Variants in AGBL4 observed in about 807,000 individuals in gnomAD.
AGBL4 encodes AGBL carboxypeptidase 4.
AGBL4 carries 58 observed loss-of-function variants against 66.4 expected under a neutral mutation model. The observed-to-expected ratio is 0.87, with a 90% CI of 0.71 to 1.09. AGBL4 has a LOEUF of 1.09. Among genes scored for constraint, AGBL4 ranks in the 50% least tolerant of loss-of-function variants. AGBL4 has a pLI of 0.00. For synonymous variants in AGBL4, 234 were observed against 222.9 expected (o/e 1.05, Z -0.44); for missense variants, 579 against 631.0 (o/e 0.92, Z 0.88).
At chr1:50,020,274 A>T (rs1165834542) in intron 1 of AGBL4, among the ~76,000 whole-genome samples, 6 of 152,126 alleles carry the variant, frequency 3.9e-5, no homozygotes, top group Non-Finnish European at 7.4e-5. Context: ...AATTTCTTTT[A>T]TATGTAAAGT....
chr1:49,460,444 C>CT (rs1244858427), intron 3 of AGBL4, among the ~76,000 whole-genome samples: 1 of 151,580 alleles, frequency 6.6e-6, no homozygotes, highest in Non-Finnish European at 1.5e-5. Flanking sequence ...CATGGAATAT[C>CT]TTTTTCCAGC....
At chr1:49,401,851 T>C (rs1645092876) in intron 3 of AGBL4, among the ~76,000 whole-genome samples, 1 of 152,156 alleles carries the variant, frequency 6.6e-6, no homozygotes, top group Non-Finnish European at 1.5e-5. Flanking sequence ...TGGCTTTGAT[T>C]TCATTACTTA....
intron 3 of AGBL4, chr1:49,527,356 A>T (rs1002376382): frequency 1.3e-5 from 2 of 152,296 alleles, no homozygotes; most frequent in African/African-American, 4.8e-5. Flanking sequence ...CCCTATCCGT[A>T]TCAGAAATTG....
chr1:49,425,061 A>T (rs943576869), intron 3 of AGBL4, among the ~76,000 whole-genome samples: 1 of 152,186 alleles, frequency 6.6e-6, no homozygotes, highest in Non-Finnish European at 1.5e-5. Flanking sequence ...AAGAACCTGA[A>T]ATGACCCAGG....
intron 4 of AGBL4, among the ~76,000 whole-genome samples, chr1:49,140,177 C>T (rs1646091085): frequency 1.3e-5 from 2 of 152,166 alleles, no homozygotes; most frequent in Non-Finnish European, 1.5e-5. Context: ...TGTTAGGCCT[C>T]ACTAGCAATT....
chr1:49,327,240 C>A (rs1645245053), intron 3 of AGBL4, among the ~76,000 whole-genome samples: 1 of 152,158 alleles, frequency 6.6e-6, no homozygotes, highest in Non-Finnish European at 1.5e-5. Flanking sequence ...GGGAGTAGGA[C>A]ATGGACATTT....
chr1:49,011,868 C>G (rs1429495627), intron 5 of AGBL4, among the ~76,000 whole-genome samples: 10 of 87,808 alleles, frequency 1.1e-4, no homozygotes, highest in African/African-American at 4.5e-4. Context: ...ACATCACACT[C>G]TGGGGACTGT....
intron 1 of AGBL4, among the ~76,000 whole-genome samples, chr1:50,007,691 C>A (rs556115041): frequency 2.6e-5 from 4 of 152,100 alleles, no homozygotes; most frequent in Non-Finnish European, 5.9e-5. Flanking sequence ...TGCTTGAACC[C>A]AGGATGTCAA....
chr1:48,693,262 A>T (rs1487534515), intron 6 of AGBL4, among the ~76,000 whole-genome samples: 1 of 152,138 alleles, frequency 6.6e-6, no homozygotes, highest in East Asian at 1.9e-4. Context: ...AAGGGAGTGT[A>T]TCTGAAGACT....
intron 4 of AGBL4, among the ~76,000 whole-genome samples, chr1:49,175,735 G>T (rs140638200): frequency 6.6e-6 from 1 of 152,102 alleles, no homozygotes; most frequent in African/African-American, 2.4e-5. Flanking sequence ...GGTCTACAGG[G>T]TATATTATAA....
At chr1:49,516,070 C>A (rs1649789718) in intron 3 of AGBL4, among the ~76,000 whole-genome samples, 1 of 151,160 alleles carries the variant, frequency 6.6e-6, no homozygotes, top group African/African-American at 2.4e-5. Context: ...GACTGCCCCC[C>A]CCCACAAAAA....
chr1:48,731,661 C>T (rs777192365), intron 6 of AGBL4, among the ~76,000 whole-genome samples: 7 of 152,072 alleles, frequency 4.6e-5, no homozygotes, highest in Non-Finnish European at 8.8e-5. Context: ...TCCAGGCATC[C>T]GGAAAAGTAT....
At chr1:49,385,263 C>T (rs1278726420) in intron 3 of AGBL4, among the ~76,000 whole-genome samples, 5 of 152,034 alleles carry the variant, frequency 3.3e-5, no homozygotes, top group South Asian at 2.1e-4. Context: ...TATAGTATAC[C>T]TACAAATGGT....
intron 2 of AGBL4, among the ~76,000 whole-genome samples, chr1:49,740,679 A>G (rs183608925): frequency 8.8e-4 from 134 of 152,306 alleles, no homozygotes; most frequent in African/African-American, 3.1e-3. Context: ...ATGTAAAATA[A>G]CAGAAATTAT....
chr1:48,809,305 G>A (rs559438772), intron 6 of AGBL4, among the ~76,000 whole-genome samples: 22 of 152,230 alleles, frequency 1.4e-4, no homozygotes, highest in Non-Finnish European at 1.8e-4. Flanking sequence ...TTTATAGATC[G>A]GAAAAAGGTG....
At chr1:49,675,911 T>C (rs1646569792) in intron 3 of AGBL4, among the ~76,000 whole-genome samples, 1 of 152,110 alleles carries the variant, frequency 6.6e-6, no homozygotes, top group Non-Finnish European at 1.5e-5. Context: ...TGCAAATTAG[T>C]GACAGAGGTA....
intron 3 of AGBL4, among the ~76,000 whole-genome samples, chr1:49,468,656 T>G (rs939852363): frequency 5.3e-5 from 8 of 151,870 alleles, no homozygotes; most frequent in African/African-American, 1.9e-4. Flanking sequence ...AATTTCAGCA[T>G]TATTTTTTTA....
At chr1:49,215,736 C>G (rs1406747836) in intron 4 of AGBL4, among the ~76,000 whole-genome samples, 1 of 152,154 alleles carries the variant, frequency 6.6e-6, no homozygotes, top group Middle Eastern at 3.4e-3. Context: ...ACCTCGACCG[C>G]GTTTGCTCAA....
chr1:48,977,286 T>C (rs2148960230), intron 5 of AGBL4, among the ~76,000 whole-genome samples: 1 of 152,280 alleles, frequency 6.6e-6, no homozygotes, highest in East Asian at 1.9e-4. Flanking sequence ...AATTGGTGTC[T>C]AAAAATATAT....
Sources: gnomAD v4.1 joint callset for allele counts (sites outside exome capture counted in the v4.1 genomes callset) on GRCh38, gnomAD v4.1.1 for gene constraint, MANE v1.5 for transcripts, NCBI Gene and HGNC (gene_info 2026-07-23, HGNC 2026-07-21) for gene names.